The following SDK1 variants were observed in gnomAD, a reference collection of about 807,000 sequenced individuals.
The protein encoded by SDK1 is sidekick cell adhesion molecule 1.
A neutral mutation model predicts 245.5 loss-of-function variants in SDK1; 157 were observed. The observed-to-expected ratio is 0.64, with a 90% CI of 0.56 to 0.73. The LOEUF is 0.73. SDK1 is among the 30% of genes least tolerant of loss of function. The probability of loss-of-function intolerance (pLI) is 0.00; values close to 1 mark genes in which losing one functional copy is unlikely to be tolerated. For missense variants in SDK1, 3,583 were observed against 3,002.3 expected (o/e 1.19, Z -4.52); for synonymous variants, 1,647 against 1,278.5 (o/e 1.29, Z -6.15).
chr7:3,637,160 C>T (rs948445171), intron 2 of SDK1, among the ~76,000 whole-genome samples: 4 of 151,820 alleles, frequency 2.6e-5, no homozygotes, highest in Non-Finnish European at 4.4e-5. Context: ...TGCAGTGGTG[C>T]AATCTTAGTT....
At chr7:4,261,833 G>A (rs760577594) in intron 44 of SDK1, among the ~76,000 whole-genome samples, 16 of 151,918 alleles carry the variant, frequency 1.1e-4, no homozygotes, top group Non-Finnish European at 1.8e-4. Flanking sequence ...CGTTAGTTCC[G>A]CAGCAGCGCC....
chr7:4,001,768 C>T lies in SDK1; in HGVS notation c.2132-9198C>T, dbSNP rs117290093. The stretch of plus-strand genomic sequence containing the variant: ...TTAGGTAGAAAGTATCCATCTACTT[C>T]GTACTCTTTCTTCCCCCTGTTCTAT... On this transcript the variant is annotated intron_variant, in intron 14 of 44. Transcript: ENST00000404826. 3.5e-4 allele frequency among the ~76,000 whole-genome samples: 53 copies of T among 152,358 alleles called. 3 individuals carry two copies. The East Asian group carries it at 0.01, about 29-fold the overall frequency.
chr7:3,458,219 TC>T (rs1467292364), intron 1 of SDK1, among the ~76,000 whole-genome samples: 1 of 152,156 alleles, frequency 6.6e-6, no homozygotes, highest in East Asian at 1.9e-4. Flanking sequence ...CTAATGTTTT[TC>T]TTTTGTGGGA....
intron 4 of SDK1, among the ~76,000 whole-genome samples, chr7:3,697,047 A>G (rs571640224): frequency 9.2e-5 from 14 of 152,374 alleles, no homozygotes; most frequent in African/African-American, 2.6e-4. Flanking sequence ...GTTCTTAAAC[A>G]TAAGAATCAG....
intron 31 of SDK1, among the ~76,000 whole-genome samples, chr7:4,160,438 G>C (rs1781041767): frequency 6.6e-6 from 1 of 152,268 alleles, no homozygotes; most frequent in African/African-American, 2.4e-5. Context: ...TATTCAGATT[G>C]GGCTTTGATG....
At chr7:3,950,379 C>G (rs1444128849) in intron 5 of SDK1, among the ~76,000 whole-genome samples, 1 of 152,212 alleles carries the variant, frequency 6.6e-6, no homozygotes, top group Non-Finnish European at 1.5e-5. Flanking sequence ...TTCTATCTGC[C>G]CTTTCACTTT....
intron 1 of SDK1, among the ~76,000 whole-genome samples, chr7:3,311,869 GGCCTGTGGTGGTTTCTGATCTGAATACAC>G (rs1275260402): frequency 1.3e-5 from 2 of 152,310 alleles, no homozygotes; most frequent in East Asian, 3.9e-4. Flanking sequence ...AGGAGCTCAA[GGCCTGTGGTGGTTTCTGATCTGAATACAC>G]GCCCCAATGG....
At chr7:4,218,707 C>T (rs1784976924) in intron 38 of SDK1, among the ~76,000 whole-genome samples, 1 of 152,132 alleles carries the variant, frequency 6.6e-6, no homozygotes, top group Non-Finnish European at 1.5e-5. Context: ...GGCAGGTGGA[C>T]TCAGGACGGT....
rs184514338 is a variant in SDK1, at chr7:4,092,737, G to A, written c.3324+13153G>A. On this transcript the variant is annotated intron_variant, in intron 22 of 44. Transcript: ENST00000404826. ...GTCAGAGAGGTCTGCTGGGGCGCCG[G>A]GAGGACACTGAGGAAGGAACAATAG... 7.4e-4 allele frequency among the ~76,000 whole-genome samples: 112 copies of A among 152,260 alleles called. 3 individuals are homozygous for A. The highest frequency in any genetic ancestry group is 6.7e-3 in the Admixed American group (103 of 15,292).
chr7:3,639,175 A>G lies in SDK1; in HGVS notation c.565+65A>G, dbSNP rs542666241. ...AAAGTGTCGCTGGGGAGTCAATCAG[A>G]ATCACTTTTCACCATTGTAGGAACT... On this transcript the variant is annotated intron_variant, in intron 3 of 44. Transcript: ENST00000404826. 4.8e-5 allele frequency: 42 copies of G among 872,370 alleles called. No individual in the cohort carries two copies. In the African/African-American group the frequency reaches 6.1e-4, roughly 13 times the overall value. The allele number at this position is 872,370 out of a possible 1,614,324, so 54.0% of individuals were successfully genotyped here.
At chr7:3,903,375 T>C (rs1443536014) in intron 5 of SDK1, among the ~76,000 whole-genome samples, 2 of 152,254 alleles carry the variant, frequency 1.3e-5, no homozygotes, top group African/African-American at 4.8e-5. Context: ...GATCATCTGC[T>C]GACCTTGTGA....
At chr7:4,012,436 G>T (rs1005213192) in intron 16 of SDK1, among the ~76,000 whole-genome samples, 1 of 151,324 alleles carries the variant, frequency 6.6e-6, no homozygotes, top group African/African-American at 2.4e-5. Flanking sequence ...GAGACATTCT[G>T]TGCATATCTG....
intron 1 of SDK1, among the ~76,000 whole-genome samples, chr7:3,382,450 T>C (rs958585462): frequency 1.3e-5 from 2 of 152,180 alleles, no homozygotes; most frequent in Non-Finnish European, 2.9e-5. Flanking sequence ...AAGAGAAATA[T>C]AAAACATCGG....
At chr7:3,350,415 A>G (rs528897225) in intron 1 of SDK1, among the ~76,000 whole-genome samples, 1 of 152,204 alleles carries the variant, frequency 6.6e-6, no homozygotes, top group Non-Finnish European at 1.5e-5. Flanking sequence ...TTTACTCAGC[A>G]CATAACTGAT....
chr7:3,546,026 C>T (rs968643858), intron 1 of SDK1, among the ~76,000 whole-genome samples: 1 of 152,130 alleles, frequency 6.6e-6, no homozygotes, highest in African/African-American at 2.4e-5. Flanking sequence ...TATGAAATTG[C>T]TGAAAATAAT....
At chr7:3,753,276 G>T (rs1471056631) in intron 4 of SDK1, among the ~76,000 whole-genome samples, 4 of 151,022 alleles carry the variant, frequency 2.6e-5, no homozygotes, top group African/African-American at 9.7e-5. Flanking sequence ...AATTTCCCTG[G>T]AATCTATTGC....
chr7:3,624,276 T>G (rs1782042207), intron 2 of SDK1, among the ~76,000 whole-genome samples: 1 of 152,194 alleles, frequency 6.6e-6, no homozygotes, highest in Non-Finnish European at 1.5e-5. Context: ...CATGGCTTAC[T>G]TCAGATTCAG....
intron 31 of SDK1, among the ~76,000 whole-genome samples, chr7:4,159,736 G>T (rs1780997475): frequency 6.6e-6 from 1 of 152,212 alleles, no homozygotes; most frequent in Admixed American, 6.5e-5. Flanking sequence ...ACCAACTGTG[G>T]ATTGAAATGT....
chr7:3,687,099 A>ACACC (rs1397468621), intron 4 of SDK1, among the ~76,000 whole-genome samples: 6 of 147,230 alleles, frequency 4.1e-5, no homozygotes, highest in Non-Finnish European at 9.0e-5. Context: ...ACACACACAC[A>ACACC]CCACCCTGTA....
Sources: allele counts gnomAD v4.1 joint callset (sites outside exome capture counted in the v4.1 genomes callset), GRCh38; gene constraint gnomAD v4.1.1; transcripts MANE v1.5; gene names NCBI Gene and HGNC (gene_info 2026-07-23, HGNC 2026-07-21).